Variants in RIMS1 observed in about 807,000 individuals in gnomAD.
The protein encoded by RIMS1 is regulating synaptic membrane exocytosis 1.
A neutral mutation model predicts 214.1 loss-of-function variants in RIMS1; 83 were observed. That is an observed-to-expected ratio of 0.39 (90% CI 0.32 to 0.47). RIMS1 has a LOEUF of 0.47. Among genes scored for constraint, RIMS1 ranks in the 20% least tolerant of loss-of-function variants. The pLI is 0.99. For missense variants in RIMS1, 2,050 were observed against 2,161.8 expected (o/e 0.95, Z 1.03); for synonymous variants, 793 against 786.8 (o/e 1.01, Z -0.13).
intron 4 of RIMS1, among the ~76,000 whole-genome samples, chr6:72,179,302 T>C (rs115888847): frequency 0.019 from 2,821 of 152,154 alleles, 88 homozygotes; most frequent in African/African-American, 0.065. Context: ...ATGACAGATA[T>C]ATGGTAAAAG....
intron 29 of RIMS1, among the ~76,000 whole-genome samples, chr6:72,340,075 A>T (rs2154353474): frequency 6.6e-6 from 1 of 152,242 alleles, no homozygotes; most frequent in East Asian, 1.9e-4. Context: ...TGGCTGCATA[A>T]ATGTCTTCTT....
chr6:72,250,841 C>T, intron 13 of RIMS1, 80 bp from the exon 14 acceptor site: 1 of 699,082 alleles, frequency 1.4e-6, no homozygotes, highest in Non-Finnish European at 2.3e-6. Context: ...ATATAAATAT[C>T]AATGGCAGTT....
intron 2 of RIMS1, among the ~76,000 whole-genome samples, chr6:72,080,547 T>A (rs1833109958): frequency 6.6e-6 from 1 of 152,214 alleles, no homozygotes; most frequent in African/African-American, 2.4e-5. Flanking sequence ...CTGATTCCTC[T>A]GCTCAGACTC....
chr6:71,940,312 A>C (rs2151006008), intron 1 of RIMS1, among the ~76,000 whole-genome samples: 1 of 152,348 alleles, frequency 6.6e-6, no homozygotes, highest in East Asian at 1.9e-4. Context: ...TCAAAATCAC[A>C]CTGGAAATTC....
In RIMS1 at chr6:71,982,904, G is replaced by T. The variant is rs1185108429; in HGVS notation, c.245+13841G>T. Among the ~76,000 whole-genome samples, 3 of 152,104 alleles carry T rather than the reference G, an allele frequency of 2.0e-5. No homozygotes were observed. The East Asian group carries it at 5.8e-4, about 29-fold the overall frequency. On this transcript the variant is annotated intron_variant, in intron 2 of 33. Coordinates refer to ENST00000521978, the MANE Select transcript of RIMS1 (RefSeq NM_014989.7). ...AGTCCTGCCTGCACAGTGCCTGATT[G>T]TCTTCTCTTCAACACTAACTTCTCT...
intron 29 of RIMS1, among the ~76,000 whole-genome samples, chr6:72,339,772 T>C (rs1420657787): frequency 4.6e-5 from 7 of 152,048 alleles, no homozygotes. Context: ...TATAGCAGCA[T>C]GATTTATAGT....
At chr6:72,058,403 A>G (rs1474433458) in intron 2 of RIMS1, among the ~76,000 whole-genome samples, 1 of 152,228 alleles carries the variant, frequency 6.6e-6, no homozygotes, top group Non-Finnish European at 1.5e-5. Context: ...ACTGATAAAC[A>G]TCTTGATTAC....
chr6:72,173,075 T>G (rs148803184), intron 4 of RIMS1, among the ~76,000 whole-genome samples: 56 of 152,308 alleles, frequency 3.7e-4, no homozygotes, highest in African/African-American at 1.2e-3. Context: ...TTTCTTAAAC[T>G]GCCTTATATT....
chr6:71,938,568 C>T (rs1785141684), intron 1 of RIMS1, among the ~76,000 whole-genome samples: 2 of 152,156 alleles, frequency 1.3e-5, no homozygotes, highest in South Asian at 4.1e-4. Flanking sequence ...GGTCAAGCCA[C>T]ACCTGGACAT....
Position 72,316,591 on chromosome 6 carries a change from G to C in RIMS1, c.4130+2919G>C, listed in dbSNP as rs1337748748. 5 of 420,784 alleles carry C rather than the reference G, an allele frequency of 1.2e-5. No individual in the cohort carries two copies. In the East Asian group the frequency reaches 2.8e-4, roughly 23 times the overall value. The allele number at this position is 420,784 out of a possible 1,614,324, so 26.1% of individuals were successfully genotyped here. On this transcript the variant is annotated intron_variant, in intron 28 of 33. Coordinates refer to ENST00000521978, the MANE Select transcript of RIMS1 (RefSeq NM_014989.7). ...GAGGGAGGAGGAGCCCCTGCCTTAGGAGCCTCACAGGCTGCACCAAGAGAG... is the reference window on the plus strand; with the variant it reads ...GAGGGAGGAGGAGCCCCTGCCTTAGCAGCCTCACAGGCTGCACCAAGAGAG...
chr6:72,276,177 T>A (rs1291738329), intron 23 of RIMS1, among the ~76,000 whole-genome samples: 1 of 152,210 alleles, frequency 6.6e-6, no homozygotes, highest in Non-Finnish European at 1.5e-5. Flanking sequence ...GTCATACTAC[T>A]GCATTCCAGC....
intron 1 of RIMS1, among the ~76,000 whole-genome samples, chr6:71,947,679 A>G (rs1422352953): frequency 1.3e-5 from 2 of 152,110 alleles, no homozygotes; most frequent in Non-Finnish European, 2.9e-5. Flanking sequence ...TAATATTGCT[A>G]AAAGTAGATT....
At chr6:72,180,832 C>A (rs749231745) in intron 5 of RIMS1, among the ~76,000 whole-genome samples, 12 of 152,126 alleles carry the variant, frequency 7.9e-5, no homozygotes, top group Non-Finnish European at 1.2e-4. Flanking sequence ...AAAGCCCATA[C>A]AGTAAAAGAT....
At chr6:72,361,142 T>A (rs13211855) in intron 29 of RIMS1, among the ~76,000 whole-genome samples, 25,426 of 132,500 alleles carry the variant, frequency 0.19, 3,040 homozygotes, top group South Asian at 0.28. Flanking sequence ...AGATTCTCAC[T>A]CTGTTGCCCA....
intron 1 of RIMS1, among the ~76,000 whole-genome samples, chr6:71,907,505 C>T (rs1481019649): frequency 1.3e-5 from 2 of 152,074 alleles, no homozygotes; most frequent in Non-Finnish European, 2.9e-5. Flanking sequence ...CTAATGTGGA[C>T]TTACAGCACA....
chr6:72,377,707 A>G (rs952770881), intron 29 of RIMS1, among the ~76,000 whole-genome samples: 2 of 152,170 alleles, frequency 1.3e-5, no homozygotes, highest in Non-Finnish European at 2.9e-5. Flanking sequence ...TTTATTTTAT[A>G]TATACAGACA....
At chr6:72,206,410 T>C (rs2154000810) in intron 6 of RIMS1, among the ~76,000 whole-genome samples, 1 of 152,362 alleles carries the variant, frequency 6.6e-6, no homozygotes, top group Middle Eastern at 3.4e-3. Context: ...TGATTTGGAA[T>C]TTAAGTTCAA....
chr6:72,240,378 T>C (rs999606418), intron 9 of RIMS1, among the ~76,000 whole-genome samples: 1 of 152,016 alleles, frequency 6.6e-6, no homozygotes, highest in Non-Finnish European at 1.5e-5. Context: ...ATCGTTTGCA[T>C]CTACCACTTT....
At chr6:72,093,228 A>AT (rs200655727) in intron 2 of RIMS1, among the ~76,000 whole-genome samples, 18,168 of 136,940 alleles carry the variant, frequency 0.13, 2,227 homozygotes, top group South Asian at 0.21. Flanking sequence ...ATATATATAT[A>AT]AAAACATGTG....
Sources: allele counts gnomAD v4.1 joint callset (sites outside exome capture counted in the v4.1 genomes callset), GRCh38; gene constraint gnomAD v4.1.1; transcripts MANE v1.5; gene names NCBI Gene and HGNC (gene_info 2026-07-23, HGNC 2026-07-21).